LIN9: variants seen among roughly 807,000 people sequenced by gnomAD.
LIN9 encodes the protein lin-9 DREAM MuvB core complex component.
A neutral mutation model predicts 78.0 loss-of-function variants in LIN9; 18 were observed. That is an observed-to-expected ratio of 0.23 (90% confidence interval 0.16 to 0.34). The LOEUF (loss-of-function observed/expected upper bound fraction) is 0.34. LIN9 is among the 10% of genes least tolerant of loss of function. The pLI is 1.00. For missense variants in LIN9, 451 were observed against 644.1 expected (o/e 0.70, Z 3.25); for synonymous variants, 192 against 215.2 (o/e 0.89, Z 0.94).
At chr1:226,246,504 C>T (rs1434184039) in intron 11 of LIN9, among the ~76,000 whole-genome samples, 2 of 151,836 alleles carry the variant, frequency 1.3e-5, no homozygotes, top group African/African-American at 4.8e-5. Flanking sequence ...GTGCCTAGGT[C>T]GGGCGCGGTG....
intron 6 of LIN9, 59 bp from the exon 7 acceptor site, chr1:226,277,991 T>TC: frequency 7.2e-7 from 1 of 1,383,084 alleles, no homozygotes; most frequent in Non-Finnish European, 9.9e-7. Flanking sequence ...AAACTTAAAA[T>TC]CTTTTTTTTT....
chr1:226,293,900 T>C (rs1412636518), intron 4 of LIN9, among the ~76,000 whole-genome samples: 2 of 152,222 alleles, frequency 1.3e-5, no homozygotes, highest in Non-Finnish European at 2.9e-5. Context: ...TCAAGATACA[T>C]TTTTGTTCAT....
At chr1:226,267,389 C>T (rs1282214935) in intron 8 of LIN9, among the ~76,000 whole-genome samples, 2 of 141,684 alleles carry the variant, frequency 1.4e-5, no homozygotes, top group African/African-American at 5.3e-5. Context: ...CACCACTGCA[C>T]TCCAGCCTGG....
intron 11 of LIN9, among the ~76,000 whole-genome samples, chr1:226,249,304 A>G (rs1658680280): frequency 6.6e-6 from 1 of 152,232 alleles, no homozygotes; most frequent in Admixed American, 6.5e-5. Context: ...TCTATGTTTA[A>G]GATATGTAAT....
intron 10 of LIN9, among the ~76,000 whole-genome samples, chr1:226,251,176 C>T (rs1261930265): frequency 2.6e-5 from 4 of 152,042 alleles, no homozygotes; most frequent in Non-Finnish European, 5.9e-5. Context: ...AACTCAGCCT[C>T]CCGAGTAGCA....
chr1:226,252,905 T>C (rs1658929798), intron 10 of LIN9, among the ~76,000 whole-genome samples: 1 of 151,964 alleles, frequency 6.6e-6, no homozygotes, highest in South Asian at 2.1e-4. Flanking sequence ...AGGCAGAGGC[T>C]GCAGTGAGCA....
rs150969195 is a variant in LIN9 at position 226,309,082 on chromosome 1, G to A, written c.31+27C>T. 46 of 1,310,184 alleles carry A rather than the reference G, an allele frequency of 3.5e-5. No homozygotes were observed. In the East Asian group the frequency reaches 5.1e-4, roughly 14 times the overall value. 81.2% of individuals were successfully genotyped at this position (1,310,184 alleles called of 1,614,324 possible). On this transcript the variant is annotated intron_variant, in intron 1 of 14. Coordinates refer to ENST00000681046, the MANE Select transcript of LIN9 (RefSeq NM_001366245.2). ...CTGGGCAAGCAGCAGGCGGGAAAAG[G>A]GGGGGGTGCTTTGAGGTGCTACTCA... is the stretch of plus-strand genomic sequence containing the variant.
chr1:226,309,327 G>A (rs1478717395), upstream of LIN9: 1 of 1,001,946 alleles, frequency 1.0e-6, no homozygotes, highest in South Asian at 4.6e-5. Context: ...AGGTGCCGCC[G>A]AAGGGGGGCC....
At chr1:226,250,980 A>G (rs1294884538) in intron 10 of LIN9, 61 bp from the exon 11 acceptor site, 1 of 805,656 alleles carries the variant, frequency 1.2e-6, no homozygotes, top group South Asian at 1.6e-5. Flanking sequence ...TTGGTTAGAC[A>G]TTAAATTTCC....
intron 6 of LIN9, among the ~76,000 whole-genome samples, chr1:226,280,283 A>G (rs1175531750): frequency 1.3e-5 from 2 of 152,194 alleles, no homozygotes. Context: ...GGATATAAAG[A>G]CCAGCACTGT....
At position 226,282,650 on chromosome 1, in the gene LIN9, G is replaced by A. The variant is rs369429254; in HGVS notation, c.524+3683C>T. On this transcript the variant is annotated intron_variant, in intron 6 of 14. Transcript: ENST00000681046. ...AGCCTGGCCAACAGGGTGAAACTCC[G>A]TCTCTACTAAAAATACAAAAATTAG... Among the ~76,000 whole-genome samples the A allele has an allele frequency of 7.2e-5, 11 of 152,172 alleles. No individual in the cohort carries two copies. In the East Asian group the frequency reaches 1.4e-3, roughly 19 times the overall value.
chr1:226,241,634 G>A (rs1381176891), intron 11 of LIN9, among the ~76,000 whole-genome samples: 1 of 152,104 alleles, frequency 6.6e-6, no homozygotes, highest in Admixed American at 6.5e-5. Context: ...TGAGGCGGGT[G>A]GATCACGAGG....
In LIN9 at chr1:226,265,598, T is replaced by G. The variant is rs1659850804; in HGVS notation, c.973A>C (p.Ser325Arg). 3 of 1,611,138 alleles carry G rather than the reference T, an allele frequency of 1.9e-6. No homozygotes were observed. Among genetic ancestry groups the G allele is most frequent in the Non-Finnish European group, 1.7e-6 (2 of 1,177,566 alleles). The change falls in exon 10 of 15, where the codon AGT (serine) becomes CGT (arginine). Residue 325 changes from serine to arginine, a missense_variant. Ser to Arg is a moderately radical substitution (Grantham distance 110, BLOSUM62 -1). Coordinates refer to ENST00000681046, the MANE Select transcript of LIN9 (RefSeq NM_001366245.2). This position sits in a 1 kb window ranked among gnomAD's most constrained non-coding sequence, Gnocchi z 4.1. ...TCAGTGTCAGAGCCAGAAATTTTAC[T>G]TCTCCACGGCGACTGTCCTAATAAA... ...DPLLGQSPWR[S>R]KISGSDTETL...
At chr1:226,306,238 T>C (rs1192619388) in intron 1 of LIN9, among the ~76,000 whole-genome samples, 1 of 151,704 alleles carries the variant, frequency 6.6e-6, no homozygotes, top group East Asian at 1.9e-4. Context: ...GGCAGGAGAA[T>C]GGCTTGAACC....
chr1:226,238,891 T>C (rs1576274458), intron 12 of LIN9, 80 bp downstream of exon 12: 1 of 1,401,922 alleles, frequency 7.1e-7, no homozygotes, highest in South Asian at 1.3e-5. Context: ...ATTGGCTTGG[T>C]ATGGATTTTC....
rs189082867 is a variant in LIN9 at position 226,238,609 on chromosome 1, C to T, written c.1245+362G>A. 2.8e-4 allele frequency among the ~76,000 whole-genome samples: 42 copies of T among 150,858 alleles called. No individual in the cohort carries two copies. The East Asian group carries it at 6.4e-3, about 23-fold the overall frequency. ...CATCACTGTACTCCAGCCTGGTCAACAGAGCTAGACCCTGTCTCAAAAAAA... is the reference window on the plus strand; with the variant it reads ...CATCACTGTACTCCAGCCTGGTCAATAGAGCTAGACCCTGTCTCAAAAAAA... On this transcript the variant is annotated intron_variant, in intron 12 of 14. Coordinates refer to ENST00000681046, the MANE Select transcript of LIN9 (RefSeq NM_001366245.2).
At chr1:226,291,916 G>T (rs1385454110) in intron 4 of LIN9, among the ~76,000 whole-genome samples, 2 of 131,552 alleles carry the variant, frequency 1.5e-5, no homozygotes, top group Non-Finnish European at 1.7e-5. Context: ...ATTCTCAGGA[G>T]AAAAAAAAAA....
chr1:226,242,806 T>C (rs777467486), intron 11 of LIN9, among the ~76,000 whole-genome samples: 17 of 152,102 alleles, frequency 1.1e-4, no homozygotes, highest in Non-Finnish European at 2.5e-4. Context: ...ACTTCCTCCT[T>C]CTCCTCAGCC....
In LIN9 at chr1:226,265,922, C is replaced by T. The variant is rs1659878891; in HGVS notation, c.937-288G>A. On this transcript the variant is annotated intron_variant, in intron 9 of 14. Coordinates refer to ENST00000681046, the MANE Select transcript of LIN9 (RefSeq NM_001366245.2). This position sits in a 1 kb window ranked among gnomAD's most constrained non-coding sequence, Gnocchi z 4.1. ...TCGAACTCCTGACCTCGTGATCCGC[C>T]TGCCTCAGCCTCCCAAAGTGCTGGG... Among the ~76,000 whole-genome samples the T allele has an allele frequency of 6.6e-6, 1 of 152,154 alleles. No homozygotes were observed. Among genetic ancestry groups the T allele is most frequent in the Non-Finnish European group, 1.5e-5 (1 of 68,044 alleles).
Sources: gnomAD v4.1 joint callset for allele counts (sites outside exome capture counted in the v4.1 genomes callset) on GRCh38, gnomAD v4.1.1 for gene constraint, Gnocchi (gnomAD v3.1) non-coding constraint, MANE v1.5 for transcripts, NCBI Gene and HGNC (gene_info 2026-07-23, HGNC 2026-07-21) for gene names.